RADIL: variants seen among roughly 807,000 people sequenced by gnomAD.
The protein encoded by RADIL is Rap associating with DIL domain.
Under a neutral mutation model 97.6 loss-of-function variants are expected in RADIL, and 99 were observed. That is an observed-to-expected ratio of 1.01 (90% confidence interval 0.86 to 1.20). The LOEUF (loss-of-function observed/expected upper bound fraction) is 1.20. RADIL is among the 50% of genes most tolerant of loss of function. The pLI, the probability that RADIL is intolerant of heterozygous loss-of-function variation, is 0.00. For missense variants in RADIL, 1,765 were observed against 1,498.9 expected (o/e 1.18, Z -2.93); for synonymous variants, 803 against 691.8 (o/e 1.16, Z -2.52).
In RADIL at chr7:4,819,993, G is replaced by C. The variant is rs1782785483; in HGVS notation, c.1615+2401C>G. Among the ~76,000 whole-genome samples the C allele has an allele frequency of 6.6e-6, 1 of 152,242 alleles. No homozygotes were observed. The highest frequency in any genetic ancestry group is 1.5e-5 in the Non-Finnish European group (1 of 68,048). On this transcript the variant is annotated intron_variant, in intron 6 of 14. Coordinates refer to ENST00000399583, the MANE Select transcript of RADIL (RefSeq NM_018059.5). This position sits in a 1 kb window ranked among gnomAD's most constrained non-coding sequence, Gnocchi z 5.8. The stretch of plus-strand genomic sequence containing the variant: ...ACCACATGGGACCCAGCTGCCTGCG[G>C]CCACCAAACCCAGGCAGCCACGAAG...
At chr7:4,831,542 G>A (rs908063913) in intron 5 of RADIL, among the ~76,000 whole-genome samples, 1 of 82,936 alleles carries the variant, frequency 1.2e-5, no homozygotes, top group East Asian at 3.1e-4. Flanking sequence ...AATAAAAGTG[G>A]AAAATAAATA....
chr7:4,860,867 G>C (rs756188881), intron 2 of RADIL: 1 of 1,614,114 alleles, frequency 6.2e-7, no homozygotes, highest in Non-Finnish European at 8.5e-7. Context: ...TGTGATGATA[G>C]GCATAAGATG....
In RADIL at chr7:4,832,228, C is replaced by G. The variant is rs376342963; in HGVS notation, c.1417-50G>C. 4 of 1,557,916 alleles carry G rather than the reference C, an allele frequency of 2.6e-6. No individual in the cohort carries two copies. The African/African-American group carries it at 6.2e-5, about 24-fold the overall frequency. On this transcript the variant is annotated intron_variant, in intron 4 of 14. Transcript: ENST00000399583. ...AGCAAGTGAGCAAAACAGGCTAACA[C>G]AGGGACGCGTTCAAATACACGATAC...
At position 4,835,243 on chromosome 7, in the gene RADIL, A is replaced by T; in HGVS notation, c.784-4T>A. 8 of 1,608,006 alleles carry T rather than the reference A, an allele frequency of 5.0e-6. No homozygotes were observed. Among genetic ancestry groups the T allele is most frequent in the Non-Finnish European group, 6.8e-6 (8 of 1,179,762 alleles). On this transcript the variant is annotated splice_region_variant and splice_polypyrimidine_tract_variant and intron_variant, in intron 3 of 14. Transcript: ENST00000399583. The surrounding 1 kb of genome is among the most constrained non-coding windows in gnomAD (Gnocchi z 5.8). ...TGAGCACATACACCAGGCTGTCCTG[A>T]AACAGAGACTCCGCTCAGGGCAGGC...
chr7:4,876,771 C>T (rs957679567), intron 2 of RADIL, among the ~76,000 whole-genome samples: 3 of 152,206 alleles, frequency 2.0e-5, no homozygotes, highest in Non-Finnish European at 4.4e-5. Context: ...ATCGGCTGCC[C>T]GTGGCCAGGC....
Position 4,798,713 on chromosome 7 carries a change from G to A in RADIL, c.*665C>T, listed in dbSNP as rs1240390306. On this transcript the variant is annotated 3_prime_UTR_variant, in exon 15 of 15. Transcript: ENST00000399583. ...CCACGCTGGTGGCTTTAGTAGGGGA[G>A]AGGAACTCAGGAGGGAGCAGGAGTC... 1 of 152,658 alleles carries A rather than the reference G, an allele frequency of 6.6e-6. No homozygotes were observed. The highest frequency in any genetic ancestry group is 1.9e-4 in the East Asian group (1 of 5,202). The allele number at this position is 152,658 out of a possible 1,614,324, so 9.5% of individuals were successfully genotyped here. A position where few individuals can be genotyped will look rare whatever the true frequency, so the allele number is the denominator to read the frequency against.
rs750947952 is a variant in RADIL, at chr7:4,816,220, G to A, written c.1966+8C>T. 3.7e-6 allele frequency: 6 copies of A among 1,605,396 alleles called. No homozygotes were observed. Among genetic ancestry groups the A allele is most frequent in the Non-Finnish European group, 5.1e-6 (6 of 1,174,006 alleles). On this transcript the variant is annotated splice_region_variant and intron_variant, in intron 8 of 14. Coordinates refer to ENST00000399583, the MANE Select transcript of RADIL (RefSeq NM_018059.5). ...CCCCGACCCCTCAACCCTGCACGAG[G>A]CCCTCACCCCTGTCGAGGAGCTGGT...
chr7:4,875,191 C>CAAA (rs1463421752), intron 2 of RADIL, among the ~76,000 whole-genome samples: 12 of 110,230 alleles, frequency 1.1e-4, no homozygotes, highest in African/African-American at 4.7e-4. Flanking sequence ...GACTCCATCT[C>CAAA]CAACAACAAC....
At chr7:4,825,237 G>A (rs546972039) in intron 5 of RADIL, among the ~76,000 whole-genome samples, 17 of 152,316 alleles carry the variant, frequency 1.1e-4, no homozygotes, top group East Asian at 1.9e-4. Context: ...AGCACGGCCC[G>A]GCAGGAGGAA....
intron 9 of RADIL, chr7:4,809,055 T>G: frequency 1.1e-6 from 1 of 939,526 alleles, no homozygotes; most frequent in Non-Finnish European, 1.2e-6. Flanking sequence ...GCCCCCCCGT[T>G]CCAATGCCAC....
At chr7:4,847,382 T>C (rs1458923314) in intron 2 of RADIL, among the ~76,000 whole-genome samples, 1 of 152,120 alleles carries the variant, frequency 6.6e-6, no homozygotes, top group Non-Finnish European at 1.5e-5. Context: ...GGACCCCTCA[T>C]ACACGATTGC....
chr7:4,876,296 T>TTTTA (rs1174699743), intron 2 of RADIL, among the ~76,000 whole-genome samples: 3 of 151,812 alleles, frequency 2.0e-5, no homozygotes, highest in Non-Finnish European at 4.4e-5. Flanking sequence ...GCCAAATTTA[T>TTTTA]TTTATTTATT....
At position 4,804,652 on chromosome 7, in the gene RADIL, T is replaced by G. The variant is rs1782233464; in HGVS notation, c.2291-898A>C. On this transcript the variant is annotated intron_variant, in intron 10 of 14. Coordinates refer to ENST00000399583, the MANE Select transcript of RADIL (RefSeq NM_018059.5). ...AAATACAAAAATTAGCCAGGCATGG[T>G]GGCACACACCTGTAATCCCAGCTAC... Among the ~76,000 whole-genome samples the G allele has an allele frequency of 2.0e-5, 3 of 152,088 alleles. No homozygotes were observed. The South Asian group carries it at 6.2e-4, about 32-fold the overall frequency.
At chr7:4,881,493 G>A (rs553909090) in intron 1 of RADIL, among the ~76,000 whole-genome samples, 5 of 151,526 alleles carry the variant, frequency 3.3e-5, no homozygotes, top group Admixed American at 1.3e-4. Flanking sequence ...TTGGGAGGCC[G>A]AGGCGGGCAG....
intron 2 of RADIL, among the ~76,000 whole-genome samples, chr7:4,848,873 T>TC (rs1408682268): frequency 2.6e-5 from 4 of 152,134 alleles, no homozygotes; most frequent in African/African-American, 9.7e-5. Flanking sequence ...GCATGGTGGC[T>TC]CACACCTGTA....
In RADIL at chr7:4,815,727, A is replaced by G. The variant is rs981272714; in HGVS notation, c.1967-277T>C. Among the ~76,000 whole-genome samples, 14 of 151,590 alleles carry G rather than the reference A, an allele frequency of 9.2e-5. No homozygotes were observed. The highest frequency in any genetic ancestry group is 9.2e-4 in the Admixed American group (14 of 15,248). ...CAGCCCCTAGCTGGGACCCTCTCCCACTCCCAGACACATGTGCCGGGGGCC... is the reference window on the plus strand; with the variant it reads ...CAGCCCCTAGCTGGGACCCTCTCCCGCTCCCAGACACATGTGCCGGGGGCC... On this transcript the variant is annotated intron_variant, in intron 8 of 14. Coordinates refer to ENST00000399583, the MANE Select transcript of RADIL (RefSeq NM_018059.5). This position sits in a 1 kb window ranked among gnomAD's most constrained non-coding sequence, Gnocchi z 8.0.
At chr7:4,855,276 G>C (rs914724585) in intron 2 of RADIL, among the ~76,000 whole-genome samples, 1 of 152,046 alleles carries the variant, frequency 6.6e-6, no homozygotes, top group African/African-American at 2.4e-5. Flanking sequence ...ACCACCACGA[G>C]AAATACCAGA....
chr7:4,860,349 G>A (rs1478107556), intron 2 of RADIL: 4 of 1,613,914 alleles, frequency 2.5e-6, no homozygotes, highest in Non-Finnish European at 3.4e-6. Flanking sequence ...CTTCTTAAAT[G>A]CATTGCAGTA....
intron 9 of RADIL, chr7:4,809,467 C>T (rs1782472716): frequency 1.0e-6 from 1 of 985,380 alleles, no homozygotes; most frequent in Admixed American, 6.1e-5. Context: ...CAACGAATTT[C>T]CCCCGAGGAA....
Sources: gnomAD v4.1 joint callset for allele counts (sites outside exome capture counted in the v4.1 genomes callset) on GRCh38, gnomAD v4.1.1 for gene constraint, Gnocchi (gnomAD v3.1) non-coding constraint, MANE v1.5 for transcripts, NCBI Gene and HGNC (gene_info 2026-07-23, HGNC 2026-07-21) for gene names.